The following KIAA1328 variants were observed in gnomAD, a reference collection of about 807,000 sequenced individuals.
The protein encoded by KIAA1328 is protein hinderin.
A neutral mutation model predicts 68.1 loss-of-function variants in KIAA1328; 52 were observed. That is an observed-to-expected ratio of 0.76 (90% CI 0.61 to 0.96). KIAA1328 has a LOEUF of 0.96. Among genes scored for constraint, KIAA1328 ranks in the 40% least tolerant of loss-of-function variants. KIAA1328 has a pLI of 0.00. For missense variants in KIAA1328, 641 were observed against 677.6 expected (o/e 0.95, Z 0.60); for synonymous variants, 232 against 239.4 (o/e 0.97, Z 0.28).
chr18:37,075,807 A>G (rs1362477932), intron 7 of KIAA1328, among the ~76,000 whole-genome samples: 3 of 152,344 alleles, frequency 2.0e-5, no homozygotes, highest in Non-Finnish European at 2.9e-5. Flanking sequence ...TATGCACCCA[A>G]TACAGGAGCA....
intron 4 of KIAA1328, among the ~76,000 whole-genome samples, chr18:36,885,301 C>A (rs1046249625): frequency 6.6e-6 from 1 of 152,092 alleles, no homozygotes; most frequent in African/African-American, 2.4e-5. Context: ...CTTTGTAGGA[C>A]TTTGCATATT....
chr18:37,097,418 G>T (rs1308236814), intron 7 of KIAA1328, among the ~76,000 whole-genome samples: 1 of 152,126 alleles, frequency 6.6e-6, no homozygotes, highest in Non-Finnish European at 1.5e-5. Flanking sequence ...GCTCTGTTCT[G>T]TTCCATTGAT....
At chr18:37,157,712 G>A (rs2059182865) in intron 7 of KIAA1328, among the ~76,000 whole-genome samples, 1 of 151,096 alleles carries the variant, frequency 6.6e-6, no homozygotes, top group Admixed American at 6.6e-5. Flanking sequence ...GGGAGGCTGA[G>A]GCAGGAGAAT....
intron 7 of KIAA1328, among the ~76,000 whole-genome samples, chr18:37,148,453 C>T (rs781161662): frequency 3.3e-5 from 5 of 152,100 alleles, no homozygotes; most frequent in Non-Finnish European, 5.9e-5. Context: ...TACATGTTAT[C>T]TTTGTAATTC....
At chr18:37,007,435 G>A (rs1418789856) in intron 6 of KIAA1328, among the ~76,000 whole-genome samples, 1 of 152,108 alleles carries the variant, frequency 6.6e-6, no homozygotes. Context: ...TGCTTGTGAA[G>A]GTTCTGATTG....
At chr18:37,099,825 T>C (rs1166047325) in intron 7 of KIAA1328, among the ~76,000 whole-genome samples, 5 of 152,226 alleles carry the variant, frequency 3.3e-5, no homozygotes, top group Non-Finnish European at 5.9e-5. Flanking sequence ...TTTACCATTA[T>C]GTAATGGCCT....
intron 6 of KIAA1328, among the ~76,000 whole-genome samples, chr18:37,041,158 G>A (rs975492443): frequency 9.9e-5 from 15 of 151,814 alleles, no homozygotes; most frequent in African/African-American, 3.6e-4. Context: ...ATTGAAGACT[G>A]ATGCTTGTTA....
chr18:36,986,374 A>T (rs1169476985), intron 6 of KIAA1328, among the ~76,000 whole-genome samples: 1 of 151,544 alleles, frequency 6.6e-6, no homozygotes, highest in East Asian at 1.9e-4. Context: ...CTAAAACCAT[A>T]AAAACCCTAG....
intron 6 of KIAA1328, among the ~76,000 whole-genome samples, chr18:37,046,901 C>A (rs144513507): frequency 6.6e-6 from 1 of 152,140 alleles, no homozygotes; most frequent in Admixed American, 6.5e-5. Context: ...AAGGCCAAGA[C>A]GGGTGGATCA....
At chr18:36,906,552 T>G (rs2049229817) in intron 5 of KIAA1328, among the ~76,000 whole-genome samples, 5 of 152,162 alleles carry the variant, frequency 3.3e-5, no homozygotes, top group Admixed American at 3.3e-4. Context: ...TGAATAATAG[T>G]CCATTATATG....
intron 6 of KIAA1328, among the ~76,000 whole-genome samples, chr18:37,025,829 C>T (rs572893076): frequency 2.8e-4 from 42 of 152,168 alleles, no homozygotes; most frequent in African/African-American, 9.9e-4. Context: ...GAAGCAAGAG[C>T]AAACACATTC....
At chr18:37,084,391 G>T in intron 7 of KIAA1328, 1 of 351,460 alleles carries the variant, frequency 2.8e-6, no homozygotes, top group African/African-American at 2.1e-5. Flanking sequence ...AGAAAAATAT[G>T]AAAAACAAAA....
At chr18:36,949,683 T>C in intron 5 of KIAA1328, among the ~76,000 whole-genome samples, 1 of 137,342 alleles carries the variant, frequency 7.3e-6, no homozygotes, top group South Asian at 2.2e-4. Context: ...GCTAGTTAAA[T>C]ACTCTAATTA....
rs563798648 is a variant in KIAA1328 at position 37,139,339 on chromosome 18, T to A, written c.1233-20861T>A. Among the ~76,000 whole-genome samples the A allele has an allele frequency of 3.3e-5, 5 of 152,234 alleles. No individual in the cohort carries two copies. The South Asian group carries it at 1.0e-3, about 32-fold the overall frequency. ...GTCCATTGCAGAGAAATATGAAGAT[T>A]TAGTTGGGATGTTTAGGAAAATTAT... On this transcript the variant is annotated intron_variant, in intron 7 of 9. Transcript: ENST00000280020.
chr18:37,119,241 A>G (rs2058204780), intron 7 of KIAA1328, among the ~76,000 whole-genome samples: 1 of 152,182 alleles, frequency 6.6e-6, no homozygotes, highest in Non-Finnish European at 1.5e-5. Flanking sequence ...AAAATAAAAT[A>G]AAGGAAAGTT....
chr18:37,160,590 C>T (rs2059257852), intron 8 of KIAA1328, among the ~76,000 whole-genome samples: 1 of 152,148 alleles, frequency 6.6e-6, no homozygotes, highest in Non-Finnish European at 1.5e-5. Context: ...AAAACTGTAT[C>T]CAACTTGTCC....
At chr18:37,157,014 G>A (rs1683506) in intron 7 of KIAA1328, among the ~76,000 whole-genome samples, 40,211 of 151,974 alleles carry the variant, frequency 0.26, 8,332 homozygotes, top group African/African-American at 0.58. Flanking sequence ...CAGAAAACCA[G>A]TCAGGATAAT....
chr18:37,169,094 T>C (rs1364393038), intron 8 of KIAA1328, among the ~76,000 whole-genome samples: 2 of 151,986 alleles, frequency 1.3e-5, no homozygotes, highest in Non-Finnish European at 2.9e-5. Context: ...ACATACACAT[T>C]TATGTATGAA....
At chr18:36,840,458 AT>A (rs199672374) in intron 3 of KIAA1328, among the ~76,000 whole-genome samples, 5,131 of 133,100 alleles carry the variant, frequency 0.039, 124 homozygotes, top group East Asian at 0.12. Context: ...ATGTCTTGTG[AT>A]TTTTTTTTTT....
Sources: allele counts gnomAD v4.1 joint callset (sites outside exome capture counted in the v4.1 genomes callset), GRCh38; gene constraint gnomAD v4.1.1; transcripts MANE v1.5; gene names NCBI Gene and HGNC (gene_info 2026-07-23, HGNC 2026-07-21).